The following RPS6KA5 variants were observed in gnomAD, a reference collection of about 807,000 sequenced individuals.
RPS6KA5 encodes ribosomal protein S6 kinase A5, also known as ribosomal protein S6 kinase alpha-5.
A neutral mutation model predicts 85.5 loss-of-function variants in RPS6KA5; 27 were observed. The observed-to-expected ratio is 0.32, with a 90% confidence interval of 0.23 to 0.44. The LOEUF (loss-of-function observed/expected upper bound fraction) is 0.44, where lower values mean the gene tolerates loss of function less well. RPS6KA5 is among the 20% of genes least tolerant of loss of function. The pLI is 1.00. For synonymous variants in RPS6KA5, 334 were observed against 348.2 expected (o/e 0.96, Z 0.46); for missense variants, 811 against 980.9 (o/e 0.83, Z 2.31).
At chr14:90,964,678 C>A (rs1237020321) in intron 3 of RPS6KA5, among the ~76,000 whole-genome samples, 1 of 151,972 alleles carries the variant, frequency 6.6e-6, no homozygotes, top group Admixed American at 6.6e-5. Context: ...CTTTGGGAGA[C>A]TGAGATGGGA....
intron 2 of RPS6KA5, among the ~76,000 whole-genome samples, chr14:90,982,559 T>C (rs767032261): frequency 2.0e-5 from 3 of 152,248 alleles, no homozygotes; most frequent in Non-Finnish European, 2.9e-5. Flanking sequence ...GACTCTCTAA[T>C]TTCTGCATCA....
At chr14:90,982,745 G>A (rs535875119) in intron 2 of RPS6KA5, among the ~76,000 whole-genome samples, 5 of 152,306 alleles carry the variant, frequency 3.3e-5, no homozygotes, top group East Asian at 1.9e-4. Flanking sequence ...TTGGGAGGCC[G>A]GAGCGGGCGG....
At chr14:90,911,056 CA>C (rs1328640478) in intron 7 of RPS6KA5, among the ~76,000 whole-genome samples, 1 of 152,160 alleles carries the variant, frequency 6.6e-6, no homozygotes, top group Non-Finnish European at 1.5e-5. Flanking sequence ...ACCATCCTAT[CA>C]AGAATAGCCA....
At chr14:90,894,245 C>T in intron 13 of RPS6KA5, 168 bp downstream of exon 13, 1 of 1,243,030 alleles carries the variant, frequency 8.0e-7, no homozygotes, top group Non-Finnish European at 1.0e-6. Flanking sequence ...TTATTTTAGA[C>T]TGAAATATAA....
intron 5 of RPS6KA5, among the ~76,000 whole-genome samples, chr14:90,937,355 T>A (rs997766282): frequency 2.6e-5 from 4 of 152,096 alleles, no homozygotes; most frequent in Non-Finnish European, 5.9e-5. Flanking sequence ...AGACAAATAC[T>A]GACAAAGGAG....
chr14:91,004,774 T>C (rs2140605429), intron 1 of RPS6KA5, among the ~76,000 whole-genome samples: 1 of 152,032 alleles, frequency 6.6e-6, no homozygotes, highest in East Asian at 2.0e-4. Flanking sequence ...GAGACCATCC[T>C]GGCTAACACA....
chr14:90,889,633 GAAA>G (rs1035840794), intron 14 of RPS6KA5, among the ~76,000 whole-genome samples: 1 of 152,028 alleles, frequency 6.6e-6, no homozygotes, highest in East Asian at 1.9e-4. Context: ...GTGAAAAAGT[GAAA>G]AAAAGCTAAC....
At chr14:91,060,250 C>G in intron 1 of RPS6KA5, 82 bp downstream of exon 1, 1 of 980,676 alleles carries the variant, frequency 1.0e-6, no homozygotes, top group Non-Finnish European at 1.2e-6. Flanking sequence ...CGGCCCCGCG[C>G]CCCCAGCCCC....
intron 5 of RPS6KA5, among the ~76,000 whole-genome samples, chr14:90,924,979 C>T (rs1181559958): frequency 2.6e-5 from 4 of 152,108 alleles, no homozygotes; most frequent in Non-Finnish European, 4.4e-5. Flanking sequence ...AGGTTTTTTT[C>T]TCATCCCATA....
At chr14:91,010,390 C>G (rs1298331957) in intron 1 of RPS6KA5, among the ~76,000 whole-genome samples, 1 of 152,052 alleles carries the variant, frequency 6.6e-6, no homozygotes, top group Non-Finnish European at 1.5e-5. Flanking sequence ...AAAATTCTTC[C>G]CAGAATAAAA....
At position 90,868,416 on chromosome 14, in the gene RPS6KA5, A is replaced by G. The variant is rs2032896879; in HGVS notation, c.*3658T>C. ...TATCATGTAAGACATTTGAGAGGCC[A>G]AAAGTCATATAATTTTAAGATACTT... On this transcript the variant is annotated 3_prime_UTR_variant, in exon 17 of 17. Coordinates refer to ENST00000614987, the MANE Select transcript of RPS6KA5 (RefSeq NM_004755.4). The G allele has an allele frequency of 6.6e-6, 1 of 152,234 alleles. No individual in the cohort carries two copies. Among genetic ancestry groups the G allele is most frequent in the African/African-American group, 2.4e-5 (1 of 41,466 alleles). The allele number at this position is 152,234 out of a possible 1,614,324, so 9.4% of individuals were successfully genotyped here.
intron 1 of RPS6KA5, among the ~76,000 whole-genome samples, chr14:91,041,724 G>A (rs1595536756): frequency 6.6e-6 from 1 of 152,134 alleles, no homozygotes; most frequent in South Asian, 2.1e-4. Context: ...TTCTGCTGGA[G>A]GCAGAACCAA....
At chr14:91,051,868 A>G (rs1249607940) in intron 1 of RPS6KA5, among the ~76,000 whole-genome samples, 1 of 152,008 alleles carries the variant, frequency 6.6e-6, no homozygotes, top group Non-Finnish European at 1.5e-5. Context: ...GAGAAAGAAC[A>G]TCTATGAAAA....
rs192074496 is a variant in RPS6KA5 at position 91,054,527 on chromosome 14, C to T, written c.103+5805G>A. 2.6e-3 allele frequency among the ~76,000 whole-genome samples: 394 copies of T among 151,668 alleles called. 4 individuals carry two copies. The highest frequency in any genetic ancestry group is 1.4e-3 in the Non-Finnish European group (96 of 67,942). On this transcript the variant is annotated intron_variant, in intron 1 of 16. Transcript: ENST00000614987. Reference sequence around the variant, plus strand: ...TGGCACTCGCCTGTAATCCTAGCTACTCAGGGGGCTGAAGCATGAGAATTG... The same window carrying T: ...TGGCACTCGCCTGTAATCCTAGCTATTCAGGGGGCTGAAGCATGAGAATTG...
At position 90,851,873 on chromosome 14, in the gene RPS6KA5, C is replaced by G. The variant is rs1240880242; in HGVS notation, c.*20201G>C. 1 of 152,186 alleles carries G rather than the reference C, an allele frequency of 6.6e-6. No individual in the cohort carries two copies. The highest frequency in any genetic ancestry group is 6.5e-5 in the Admixed American group (1 of 15,284). 9.4% of individuals were successfully genotyped at this position (152,186 alleles called of 1,614,324 possible). A position where few individuals can be genotyped will look rare whatever the true frequency, so the allele number is the denominator to read the frequency against. Reference sequence around the variant, plus strand: ...CATGGCTCAGTTCTCACAAGAGGCTCACTGTACAAGGTCCAACTTTGCATC... The same window carrying G: ...CATGGCTCAGTTCTCACAAGAGGCTGACTGTACAAGGTCCAACTTTGCATC... On this transcript the variant is annotated 3_prime_UTR_variant, in exon 17 of 17. Coordinates refer to ENST00000614987, the MANE Select transcript of RPS6KA5 (RefSeq NM_004755.4).
At chr14:91,008,904 C>A (rs1196561247) in intron 1 of RPS6KA5, among the ~76,000 whole-genome samples, 1 of 152,070 alleles carries the variant, frequency 6.6e-6, no homozygotes, top group Non-Finnish European at 1.5e-5. Flanking sequence ...TGAGGTATTG[C>A]AGTAAAAAAG....
At chr14:90,873,041 T>C (rs1188181284) in intron 16 of RPS6KA5, among the ~76,000 whole-genome samples, 1 of 152,142 alleles carries the variant, frequency 6.6e-6, no homozygotes, top group Non-Finnish European at 1.5e-5. Flanking sequence ...ACTATCCCTA[T>C]ACCTTCTCCT....
chr14:90,967,716 TTTAA>T (rs1167322591), intron 3 of RPS6KA5, among the ~76,000 whole-genome samples: 1 of 152,260 alleles, frequency 6.6e-6, no homozygotes, highest in African/African-American at 2.4e-5. Flanking sequence ...TTAACTTGCT[TTTAA>T]AGATTTTTAT....
At position 91,038,108 on chromosome 14, in the gene RPS6KA5, TTCTC is replaced by T. The variant is rs376748272; in HGVS notation, c.103+22220_103+22223del. On this transcript the variant is annotated intron_variant, in intron 1 of 16. Coordinates refer to ENST00000614987, the MANE Select transcript of RPS6KA5 (RefSeq NM_004755.4). The stretch of plus-strand genomic sequence containing the variant: ...CTGGTTTCCAAACAAGGAAAAGTTA[TTCTC>T]TCTAACAAGGTGTTGATCCTGCCTA... Among the ~76,000 whole-genome samples the T allele has an allele frequency of 4.7e-3, 714 of 152,292 alleles. 13 individuals carry two copies. The highest frequency in any genetic ancestry group is 7.8e-3 in the Non-Finnish European group (530 of 68,024).
Sources: allele counts gnomAD v4.1 joint callset (sites outside exome capture counted in the v4.1 genomes callset), GRCh38; gene constraint gnomAD v4.1.1; transcripts MANE v1.5; gene names NCBI Gene and HGNC (gene_info 2026-07-23, HGNC 2026-07-21).